The following ACAD10 variants were observed in gnomAD, a reference collection of about 807,000 sequenced individuals.
ACAD10 encodes acyl-CoA dehydrogenase family member 10.
Under a neutral mutation model 116.8 loss-of-function variants are expected in ACAD10, and 112 were observed. The ratio of observed to expected loss-of-function variants is 0.96; its 90% CI spans 0.82 to 1.12. The LOEUF (loss-of-function observed/expected upper bound fraction) is 1.12, where lower values mean the gene tolerates loss of function less well. Among genes scored for constraint, ACAD10 ranks in the 50% most tolerant of loss-of-function variants. ACAD10 has a pLI of 0.00. For synonymous variants in ACAD10, 486 were observed against 510.6 expected (o/e 0.95, Z 0.65); for missense variants, 1,259 against 1,350.2 (o/e 0.93, Z 1.06).
chr12:111,706,748 G>A (rs950659285), intron 4 of ACAD10, among the ~76,000 whole-genome samples: 1 of 144,970 alleles, frequency 6.9e-6, no homozygotes, highest in Non-Finnish European at 1.5e-5. Flanking sequence ...ACCGTGCCTG[G>A]CCTATTTATT....
intron 7 of ACAD10, among the ~76,000 whole-genome samples, chr12:111,720,385 TA>T (rs1278228546): frequency 6.6e-6 from 1 of 152,230 alleles, no homozygotes; most frequent in African/African-American, 2.4e-5. Flanking sequence ...AAAGGAGTGT[TA>T]AAAGCTCAAC....
At chr12:111,707,924 G>A (rs1888559507) in intron 4 of ACAD10, among the ~76,000 whole-genome samples, 1 of 152,090 alleles carries the variant, frequency 6.6e-6, no homozygotes. Flanking sequence ...TGTGTATTTC[G>A]AAAAAGCTCC....
At chr12:111,724,305 C>T (rs1282481172) in intron 8 of ACAD10, among the ~76,000 whole-genome samples, 3 of 151,990 alleles carry the variant, frequency 2.0e-5, no homozygotes, top group Non-Finnish European at 4.4e-5. Flanking sequence ...GGCGGAGACG[C>T]TCCTCACTTT....
intron 9 of ACAD10, among the ~76,000 whole-genome samples, chr12:111,729,577 G>C (rs986660840): frequency 2.0e-5 from 3 of 152,112 alleles, no homozygotes; most frequent in African/African-American, 7.2e-5. Context: ...AGACCATATA[G>C]CTAGGAACAG....
At chr12:111,726,255 AAAAT>A (rs1037980039) in intron 8 of ACAD10, among the ~76,000 whole-genome samples, 9 of 152,078 alleles carry the variant, frequency 5.9e-5, no homozygotes, top group East Asian at 1.9e-4. Context: ...CTCCATCTCA[AAAAT>A]AAATAAATAA....
intron 5 of ACAD10, among the ~76,000 whole-genome samples, chr12:111,710,952 A>G (rs887658727): frequency 6.6e-6 from 1 of 152,060 alleles, no homozygotes; most frequent in Non-Finnish European, 1.5e-5. Context: ...GCAGGATAGA[A>G]AGTTCAGTGT....
At position 111,721,657 on chromosome 12, in the gene ACAD10, A is replaced by T; in HGVS notation, c.993-14A>T. 1 of 1,582,958 alleles carries T rather than the reference A, an allele frequency of 6.3e-7. No individual in the cohort carries two copies. Among genetic ancestry groups the T allele is most frequent in the Non-Finnish European group, 8.6e-7 (1 of 1,159,094 alleles). ...TCAGCCAGCAATTTTGTTTATTTTC[A>T]TTTGTCCTTGCAGGATTATGAAAGC... On this transcript the variant is annotated splice_polypyrimidine_tract_variant and intron_variant, in intron 7 of 20. Transcript: ENST00000313698.
chr12:111,738,064 C>T (rs964199686), intron 12 of ACAD10, among the ~76,000 whole-genome samples: 4 of 151,984 alleles, frequency 2.6e-5, no homozygotes, highest in African/African-American at 9.7e-5. Context: ...GCCATGTTGG[C>T]CAGGCTGGTT....
rs560344796 is a variant in ACAD10, at chr12:111,718,036, CTTTTTTTTTTTTTTTTTTTTTT to C, written c.992+2084_992+2105del. On this transcript the variant is annotated intron_variant, in intron 7 of 20. Transcript: ENST00000313698. ...TATACGTAGGATCTATAGTGATATCCTTTTTTTTTTTTTTTTTTTTTTTTTTTTTTTGAAATGGAGTCTTGCT... is the reference window on the plus strand; with the variant it reads ...TATACGTAGGATCTATAGTGATATCCTTTTTTTTTGAAATGGAGTCTTGCT... Among the ~76,000 whole-genome samples, 62 of 63,684 alleles carry C rather than the reference CTTTTTTTTTTTTTTTTTTTTTT, an allele frequency of 9.7e-4. 1 individual carries two copies. In the Admixed American group the frequency reaches 0.01, roughly 10 times the overall value. The allele number at this position is 63,684 out of a possible 152,430, so 41.8% of individuals were successfully genotyped here. A position where few individuals can be genotyped will look rare whatever the true frequency, so the allele number is the denominator to read the frequency against.
At chr12:111,709,045 CAAAA>C (rs201551045) in intron 4 of ACAD10, among the ~76,000 whole-genome samples, 1 of 126,332 alleles carries the variant, frequency 7.9e-6, no homozygotes, top group South Asian at 2.5e-4. Flanking sequence ...CTTCTTTCTG[CAAAA>C]AAAAAAAAAA....
chr12:111,748,532 C>T, intron 17 of ACAD10, 57 bp downstream of exon 17: 2 of 1,595,214 alleles, frequency 1.3e-6, no homozygotes, highest in Non-Finnish European at 8.6e-7. Context: ...CAGGAAACAC[C>T]ACTGAGGGGC....
rs370592166 is a variant in ACAD10, at chr12:111,729,905, C to A, written c.1343C>A (p.Pro448His). The part of the protein sequence containing the change: ...PAMERLIEWL[P>H]LHLPRQQRTT... Reference sequence around the variant, plus strand: ...ATGGAGAGGCTGATCGAATGGCTGCCCCTCCATCTTCCCCGTCAGCAGAGG... The same window carrying A: ...ATGGAGAGGCTGATCGAATGGCTGCACCTCCATCTTCCCCGTCAGCAGAGG... The change falls in exon 10 of 21, where the codon CCC (proline) becomes CAC (histidine). Residue 448 changes from proline (P) to histidine (H), a missense_variant. By Grantham distance (77) the Pro-to-His change is moderately conservative (BLOSUM62 -2). Transcript: ENST00000313698. 2.5e-3 allele frequency: 4,033 copies of A among 1,614,120 alleles called. 128 individuals carry two copies. The South Asian group carries it at 0.042, about 17-fold the overall frequency.
chr12:111,744,447 C>A, intron 12 of ACAD10, 196 bp from the exon 13 acceptor site: 1 of 648,526 alleles, frequency 1.5e-6, no homozygotes, highest in Non-Finnish European at 2.6e-6. Context: ...AGTTTTCTTG[C>A]GTGCAAAGTG....
In ACAD10 at chr12:111,705,782, C is replaced by G. The variant is rs778776065; in HGVS notation, c.381C>G (p.Thr127=). The stretch of plus-strand genomic sequence containing the variant: ...TGGACTCATTTTTCTCTCTGTTGAC[C>G]AGTGAGCGAGTGGCAAAGCAGTTCC... The part of the protein sequence containing the change: ...VPVDSFFSLL[T]SERVAKQFPV... Residue 127 remains threonine, a synonymous_variant, in exon 4 of 21, where the codon ACC becomes ACG. Coordinates refer to ENST00000313698, the MANE Select transcript of ACAD10 (RefSeq NM_025247.6). The G allele has an allele frequency of 2.5e-6, 4 of 1,614,118 alleles. No individual in the cohort carries two copies. In the Admixed American group the frequency reaches 6.7e-5, roughly 27 times the overall value.
chr12:111,712,432 C>G lies in ACAD10; in HGVS notation c.691-66C>G, dbSNP rs1888711948. 2.1e-6 allele frequency: 3 copies of G among 1,440,654 alleles called. No homozygotes were observed. The Admixed American group carries it at 5.9e-5, about 28-fold the overall frequency. The allele number at this position is 1,440,654 out of a possible 1,614,324, so 89.2% of individuals were successfully genotyped here. A position where few individuals can be genotyped will look rare whatever the true frequency, so the allele number is the denominator to read the frequency against. On this transcript the variant is annotated intron_variant, in intron 5 of 20. Transcript: ENST00000313698. ...TATACGTGTATATATTCTCAACATCCTGTGAAAGGAAGGGAAAAATAACAA... is the reference window on the plus strand; with the variant it reads ...TATACGTGTATATATTCTCAACATCGTGTGAAAGGAAGGGAAAAATAACAA...
intron 5 of ACAD10, chr12:111,710,195 T>G (rs1888631405): frequency 4.9e-6 from 2 of 409,776 alleles, no homozygotes; most frequent in Non-Finnish European, 4.9e-6. Context: ...GCTTAAGTGA[T>G]CCTCCTACCT....
rs1285451172 is a variant in ACAD10 at position 111,744,995 on chromosome 12, G to A, written c.2067G>A (p.Gln689=). 1.9e-6 allele frequency: 3 copies of A among 1,614,052 alleles called. No individual in the cohort carries two copies. In the South Asian group the frequency reaches 3.3e-5, roughly 18 times the overall value. Residue 689 remains glutamine, a synonymous_variant, in exon 13 of 21, where the codon CAG becomes CAA. Coordinates refer to ENST00000313698, the MANE Select transcript of ACAD10 (RefSeq NM_025247.6). The stretch of plus-strand genomic sequence containing the variant: ...CAGAGCCAGAGCTGCAGAGTCACCA[G>A]GCCTCAGCAGCCAGGTGGAGCCCCT... ...YPAEPELQSH[Q]ASAARWSPSP...
chr12:111,697,166 G>A (rs551662980), intron 2 of ACAD10, among the ~76,000 whole-genome samples: 14 of 151,428 alleles, frequency 9.2e-5, no homozygotes, highest in African/African-American at 3.1e-4. Context: ...GCTGGAACTC[G>A]GGAGGCAGAG....
At chr12:111,696,679 G>C (rs1040793869) in intron 2 of ACAD10, among the ~76,000 whole-genome samples, 2 of 152,048 alleles carry the variant, frequency 1.3e-5, no homozygotes, top group Non-Finnish European at 2.9e-5. Context: ...AAATTAGTAC[G>C]CACAACAAAG....
Sources: allele counts gnomAD v4.1 joint callset (sites outside exome capture counted in the v4.1 genomes callset), GRCh38; gene constraint gnomAD v4.1.1; transcripts MANE v1.5; gene names NCBI Gene and HGNC (gene_info 2026-07-23, HGNC 2026-07-21).